The following JAKMIP3 variants were observed in gnomAD, a reference collection of about 807,000 sequenced individuals.
The protein encoded by JAKMIP3 is Janus kinase and microtubule interacting protein 3.
A neutral mutation model predicts 118.5 loss-of-function variants in JAKMIP3; 58 were observed. The ratio of observed to expected loss-of-function variants is 0.49; its 90% CI spans 0.40 to 0.61. The LOEUF (loss-of-function observed/expected upper bound fraction) is 0.61, where lower values mean the gene tolerates loss of function less well. JAKMIP3 is among the 20% of genes least tolerant of loss of function. The pLI, the probability that JAKMIP3 is intolerant of heterozygous loss-of-function variation, is 0.00. For synonymous variants in JAKMIP3, 486 were observed against 451.2 expected, an observed-to-expected ratio of 1.08 and a Z score of -0.98; for missense variants, 950 against 1,109.0, an observed-to-expected ratio of 0.86 and a Z score of 2.04.
intron 11 of JAKMIP3, 45 bp downstream of exon 11, chr10:132,142,093 C>G (rs764711063): frequency 1.9e-5 from 30 of 1,546,694 alleles, no homozygotes; most frequent in Non-Finnish European, 2.5e-5. Flanking sequence ...CTCGTGCCTT[C>G]CCGCTTGACC....
chr10:132,184,085 C>T lies in JAKMIP3; in HGVS notation c.*2832C>T, dbSNP rs1247602070. ...TACATCAACATTTACATTATATTAA[C>T]ATCATCACACTCTGTGTTCAACACA... is the stretch of plus-strand genomic sequence containing the variant. On this transcript the variant is annotated 3_prime_UTR_variant, in exon 24 of 24. Transcript: ENST00000684848. 3 of 152,214 alleles carry T rather than the reference C, an allele frequency of 2.0e-5. No homozygotes were observed. Among genetic ancestry groups the T allele is most frequent in the Admixed American group, 6.5e-5 (1 of 15,280 alleles). 9.4% of individuals were successfully genotyped at this position (152,214 alleles called of 1,614,324 possible). A position where few individuals can be genotyped will look rare whatever the true frequency, so the allele number is the denominator to read the frequency against.
intron 1 of JAKMIP3, among the ~76,000 whole-genome samples, chr10:132,071,160 AGTGTGTGTGTGT>A (rs3068079): frequency 0.098 from 14,607 of 149,128 alleles, 869 homozygotes; most frequent in East Asian, 0.31. Flanking sequence ...GTCATTTAAA[AGTGTGTGTGTGT>A]GTGTGTGTGT....
intron 1 of JAKMIP3, among the ~76,000 whole-genome samples, chr10:132,095,748 A>G (rs2043769666): frequency 6.6e-6 from 1 of 152,160 alleles, no homozygotes; most frequent in African/African-American, 2.4e-5. Flanking sequence ...CCCATCCACC[A>G]TGATCCTCCT....
chr10:132,082,839 G>T (rs1053922528), intron 1 of JAKMIP3, among the ~76,000 whole-genome samples: 1 of 152,208 alleles, frequency 6.6e-6, no homozygotes, highest in Non-Finnish European at 1.5e-5. Context: ...TCGATCTCTT[G>T]ACCTCGTGAT....
chr10:132,124,757 T>C (rs2814190), intron 3 of JAKMIP3, among the ~76,000 whole-genome samples: 138,806 of 152,344 alleles, frequency 0.91, 63,429 homozygotes, highest in African/African-American at 0.98. Flanking sequence ...TGTGCGTTCA[T>C]GGGGCGACGA....
intron 1 of JAKMIP3, among the ~76,000 whole-genome samples, chr10:132,096,383 G>A (rs777782746): frequency 7.9e-5 from 12 of 152,122 alleles, no homozygotes; most frequent in Admixed American, 5.9e-4. Flanking sequence ...GAAAACCACC[G>A]GAGAGTGACT....
intron 1 of JAKMIP3, among the ~76,000 whole-genome samples, chr10:132,054,058 AAAT>A (rs1226337464): frequency 7.6e-5 from 11 of 145,596 alleles, no homozygotes; most frequent in African/African-American, 2.8e-4. Flanking sequence ...AAAAAAAAAA[AAAT>A]GCTGGCCACT....
intron 3 of JAKMIP3, among the ~76,000 whole-genome samples, chr10:132,123,986 G>A (rs912420626): frequency 1.3e-5 from 2 of 152,180 alleles, no homozygotes; most frequent in Non-Finnish European, 1.5e-5. Context: ...GAGTCCCAGG[G>A]CGTGGCTGTG....
chr10:132,041,672 C>T lies in JAKMIP3; in HGVS notation c.-138+4934C>T, dbSNP rs556800301. Among the ~76,000 whole-genome samples the T allele has an allele frequency of 3.3e-5, 5 of 152,276 alleles. No homozygotes were observed. The East Asian group carries it at 7.8e-4, about 24-fold the overall frequency. On this transcript the variant is annotated intron_variant, in intron 1 of 23. Transcript: ENST00000657785. The stretch of plus-strand genomic sequence containing the variant: ...GAAAGCTGGAAACATAGCACGCTGG[C>T]CCCGTGGCCCAGGCTGGGTGGGCAT...
At chr10:132,156,760 G>A (rs564914864) in intron 19 of JAKMIP3, among the ~76,000 whole-genome samples, 88 of 152,304 alleles carry the variant, frequency 5.8e-4, no homozygotes, top group Admixed American at 1.7e-3. Context: ...GGTGCTTTGC[G>A]GGTGATGCAT....
chr10:132,042,228 C>G (rs2037786740), intron 1 of JAKMIP3, among the ~76,000 whole-genome samples: 2 of 58,732 alleles, frequency 3.4e-5, no homozygotes, highest in Non-Finnish European at 7.8e-5. Flanking sequence ...CTTTCCTCCT[C>G]CTCCTTTCAC....
At chr10:132,050,461 G>A (rs935671627) in intron 1 of JAKMIP3, among the ~76,000 whole-genome samples, 2 of 152,206 alleles carry the variant, frequency 1.3e-5, no homozygotes, top group Non-Finnish European at 2.9e-5. Context: ...GGAAGTAGTG[G>A]GGTGGGGAGC....
rs185522229 is a variant in JAKMIP3 at position 132,149,405 on chromosome 10, G to A, written c.1849-7G>A. On this transcript the variant is annotated splice_polypyrimidine_tract_variant and splice_region_variant and intron_variant, in intron 14 of 23. Coordinates refer to ENST00000684848, the MANE Select transcript of JAKMIP3 (RefSeq NM_001323087.2). ...GAGCGGCTCACCCTTCTGTCCCTCTGTCCTAGGAGAGGGAGAGGAAGTCAC... is the reference window on the plus strand; with the variant it reads ...GAGCGGCTCACCCTTCTGTCCCTCTATCCTAGGAGAGGGAGAGGAAGTCAC... 6.3e-7 allele frequency: 1 copy of A among 1,577,398 alleles called. No homozygotes were observed. Among genetic ancestry groups the A allele is most frequent in the South Asian group, 1.2e-5 (1 of 86,860 alleles).
chr10:132,162,732 A>C (rs1421318755), intron 19 of JAKMIP3, among the ~76,000 whole-genome samples: 1 of 101,054 alleles, frequency 9.9e-6, no homozygotes. Flanking sequence ...CAAACTGCCA[A>C]ACCCCAGGAA....
At chr10:132,100,662 G>A (rs1473493517) in intron 1 of JAKMIP3, among the ~76,000 whole-genome samples, 2 of 152,198 alleles carry the variant, frequency 1.3e-5, no homozygotes, top group Non-Finnish European at 2.9e-5. Context: ...CAGTGTCCTT[G>A]TGGGGAAAGG....
At chr10:132,100,754 C>T (rs955573442) in intron 1 of JAKMIP3, among the ~76,000 whole-genome samples, 5 of 152,150 alleles carry the variant, frequency 3.3e-5, no homozygotes, top group Middle Eastern at 3.4e-3. Context: ...TTTTAGGATG[C>T]GAGGCGAGAC....
intron 1 of JAKMIP3, among the ~76,000 whole-genome samples, chr10:132,069,254 G>A (rs1191430921): frequency 2.0e-5 from 3 of 152,128 alleles, no homozygotes; most frequent in African/African-American, 4.8e-5. Context: ...CCCAGCCAGG[G>A]GTGGGAGGCC....
intron 9 of JAKMIP3, among the ~76,000 whole-genome samples, chr10:132,139,227 A>T (rs929826206): frequency 9.0e-6 from 1 of 111,292 alleles, no homozygotes; most frequent in African/African-American, 3.4e-5. Flanking sequence ...TGTACATGTG[A>T]GTGTATATGC....
rs570025864 is a variant in JAKMIP3 at position 132,038,288 on chromosome 10, C to T, written c.-138+1550C>T. Reference sequence around the variant, plus strand: ...TCAGTTCAGCATGCCCTGCAGTCAGCGTTTCTCACACTCCAGGTGCCCCGA... The same window carrying T: ...TCAGTTCAGCATGCCCTGCAGTCAGTGTTTCTCACACTCCAGGTGCCCCGA... On this transcript the variant is annotated intron_variant, in intron 1 of 23. Coordinates refer to the JAKMIP3 transcript ENST00000657785. Among the ~76,000 whole-genome samples, 18 of 152,240 alleles carry T rather than the reference C, an allele frequency of 1.2e-4. No individual in the cohort carries two copies. The South Asian group carries it at 3.3e-3, about 28-fold the overall frequency.
Sources: gnomAD v4.1 joint callset for allele counts (sites outside exome capture counted in the v4.1 genomes callset) on GRCh38, gnomAD v4.1.1 for gene constraint, MANE v1.5 for transcripts, NCBI Gene and HGNC (gene_info 2026-07-23, HGNC 2026-07-21) for gene names.